Variants in STK3 observed in about 807,000 individuals in gnomAD.
STK3 encodes the protein serine/threonine kinase 3.
Under a neutral mutation model 58.0 loss-of-function variants are expected in STK3, and 41 were observed. That is an observed-to-expected ratio of 0.71 (90% confidence interval 0.55 to 0.92). STK3 has a LOEUF of 0.92. STK3 is among the 40% of genes least tolerant of loss of function. STK3 has a pLI of 0.00. For synonymous variants in STK3, 170 were observed against 191.0 expected (o/e 0.89, Z 0.91); for missense variants, 479 against 602.7 (o/e 0.79, Z 2.15).
chr8:98,817,342 G>A (rs988547144), intron 1 of STK3, among the ~76,000 whole-genome samples: 3 of 151,450 alleles, frequency 2.0e-5, no homozygotes, highest in Non-Finnish European at 4.4e-5. Flanking sequence ...TAGTCCCAGC[G>A]GCTTGGGAGG....
At chr8:98,770,800 G>A (rs1240537930) in intron 2 of STK3, among the ~76,000 whole-genome samples, 2 of 152,160 alleles carry the variant, frequency 1.3e-5, no homozygotes, top group Admixed American at 6.5e-5. Flanking sequence ...CCCAGCACAA[G>A]AGAAGTGGCA....
intron 3 of STK3, among the ~76,000 whole-genome samples, chr8:98,407,235 T>C (rs1818002443): frequency 6.6e-6 from 1 of 152,244 alleles, no homozygotes; most frequent in Non-Finnish European, 1.5e-5. Context: ...TGGCAAAGGT[T>C]GTCGCCCTGG....
chr8:98,845,190 AT>A (rs1189842650), intron 3 of STK3, among the ~76,000 whole-genome samples: 1 of 152,080 alleles, frequency 6.6e-6, no homozygotes, highest in African/African-American at 2.4e-5. Context: ...ATACCGACTT[AT>A]TTTTTTAAAC....
chr8:98,674,648 A>C (rs1823067595), intron 6 of STK3, among the ~76,000 whole-genome samples: 1 of 152,180 alleles, frequency 6.6e-6, no homozygotes, highest in African/African-American at 2.4e-5. Context: ...AGCAGCCAAA[A>C]GGTCAAGTCT....
At chr8:98,847,561 T>C (rs1188638167) in intron 3 of STK3, among the ~76,000 whole-genome samples, 1 of 152,166 alleles carries the variant, frequency 6.6e-6, no homozygotes, top group Non-Finnish European at 1.5e-5. Context: ...GATCCAGTAG[T>C]CTTTCTCAGA....
At chr8:98,669,971 A>G (rs1284813742) in intron 6 of STK3, among the ~76,000 whole-genome samples, 1 of 152,214 alleles carries the variant, frequency 6.6e-6, no homozygotes, top group African/African-American at 2.4e-5. Flanking sequence ...TTCTCCACCT[A>G]TATCTGTAGT....
intron 10 of STK3, among the ~76,000 whole-genome samples, chr8:98,500,576 C>A (rs1586716104): frequency 6.6e-6 from 1 of 152,036 alleles, no homozygotes; most frequent in African/African-American, 2.4e-5. Context: ...AGTGTTCTCA[C>A]TGTTCAATTC....
At chr8:98,507,002 C>G (rs950645954) in intron 10 of STK3, among the ~76,000 whole-genome samples, 2 of 152,204 alleles carry the variant, frequency 1.3e-5, no homozygotes, top group Non-Finnish European at 2.9e-5. Context: ...TAATTTGTTA[C>G]AGCAGCCATG....
intron 4 of STK3, among the ~76,000 whole-genome samples, chr8:98,734,615 TCTAAC>T (rs1828436586): frequency 6.6e-6 from 1 of 152,192 alleles, no homozygotes; most frequent in East Asian, 1.9e-4. Flanking sequence ...TAATCAAAAA[TCTAAC>T]CTATCTTTTA....
At chr8:98,372,148 G>T (rs1270860898) in intron 2 of STK3, among the ~76,000 whole-genome samples, 1 of 152,188 alleles carries the variant, frequency 6.6e-6, no homozygotes, top group Non-Finnish European at 1.5e-5. Context: ...GCCATCAGAA[G>T]CTAGGCAAAG....
intron 7 of STK3, among the ~76,000 whole-genome samples, chr8:98,584,367 C>A (rs1027736530): frequency 1.3e-4 from 19 of 151,182 alleles, no homozygotes; most frequent in African/African-American, 4.1e-4. Context: ...TTTGTTCTTG[C>A]GATAGTTTAC....
chr8:98,852,246 T>C (rs900358976), intron 3 of STK3, among the ~76,000 whole-genome samples: 1 of 152,128 alleles, frequency 6.6e-6, no homozygotes, highest in African/African-American at 2.4e-5. Context: ...CAAGCAATTC[T>C]GTCTCAGCCT....
chr8:98,617,411 G>A (rs1161654628), intron 6 of STK3, among the ~76,000 whole-genome samples: 1 of 135,074 alleles, frequency 7.4e-6, no homozygotes, highest in African/African-American at 2.8e-5. Context: ...AACTAGAAAA[G>A]CAAGAGCAAA....
rs186919488 is a variant in STK3 at position 98,684,465 on chromosome 8, T to G, written c.684+22002A>C. Among the ~76,000 whole-genome samples, 8 of 152,280 alleles carry G rather than the reference T, an allele frequency of 5.3e-5. No homozygotes were observed. The East Asian group carries it at 7.7e-4, about 15-fold the overall frequency. On this transcript the variant is annotated intron_variant, in intron 6 of 10. Transcript: ENST00000419617. ...TTCCTTAAGTAACAATAGTAAATATTAAACGGGCATCCTCTGTAAGAACCT... is the reference window on the plus strand; with the variant it reads ...TTCCTTAAGTAACAATAGTAAATATGAAACGGGCATCCTCTGTAAGAACCT...
At chr8:98,347,774 C>T in the STK3 span, among the ~76,000 whole-genome samples, 1 of 152,046 alleles carries the variant, frequency 6.6e-6, no homozygotes, top group African/African-American at 2.4e-5. Flanking sequence ...TGTTAAGATA[C>T]AAATAGATTA....
At chr8:98,420,405 T>C (rs372508104) in intron 3 of STK3, among the ~76,000 whole-genome samples, 122 of 152,356 alleles carry the variant, frequency 8.0e-4, no homozygotes, top group African/African-American at 2.9e-3. Flanking sequence ...ATTCTATTAT[T>C]AGTTATTGTT....
At chr8:98,356,690 A>G in the STK3 span, among the ~76,000 whole-genome samples, 1 of 152,250 alleles carries the variant, frequency 6.6e-6, no homozygotes, top group Admixed American at 6.5e-5. Context: ...AATTCCTTTC[A>G]AGAACTGGTG....
chr8:98,738,649 C>T (rs1234341698), intron 4 of STK3, among the ~76,000 whole-genome samples: 1 of 152,166 alleles, frequency 6.6e-6, no homozygotes, highest in East Asian at 1.9e-4. Context: ...TCTACAGCTC[C>T]CAGCGTGAGC....
intron 4 of STK3, among the ~76,000 whole-genome samples, chr8:98,740,682 T>A (rs1829122802): frequency 6.6e-6 from 1 of 152,142 alleles, no homozygotes; most frequent in Non-Finnish European, 1.5e-5. Flanking sequence ...AGAAACGGTA[T>A]CAACTAATGA....
Sources: gnomAD v4.1 joint callset for allele counts (sites outside exome capture counted in the v4.1 genomes callset) on GRCh38, gnomAD v4.1.1 for gene constraint, MANE v1.5 for transcripts, NCBI Gene and HGNC (gene_info 2026-07-23, HGNC 2026-07-21) for gene names.